The following PCA3 variants were observed in gnomAD, a reference collection of about 807,000 sequenced individuals.
PCA3 encodes prostate cancer associated 3, also known as Differential Display code 3.
At chr9:76,768,243 A>ACT in intron 2 of PCA3, among the ~76,000 whole-genome samples, 1 of 152,052 alleles carries the variant, frequency 6.6e-6, no homozygotes, top group South Asian at 2.1e-4. Flanking sequence ...CCCAGGCTGG[A>ACT]GTGCAGTGGT....
rs28575308 is a variant in PCA3, at chr9:76,775,814, C to T, written n.853-32769C>T. 4.6e-3 allele frequency among the ~76,000 whole-genome samples: 704 copies of T among 152,366 alleles called. 3 individuals carry two copies. The highest frequency in any genetic ancestry group is 0.016 in the African/African-American group (668 of 41,586). ...ATTGCTCACCCGGCCTTCATGCCGG[C>T]TATGCAGGCCCATTTCTAACACATC... On this transcript the variant is annotated intron_variant and non_coding_transcript_variant, in intron 2 of 5. Coordinates refer to ENST00000644657, the Ensembl canonical transcript of PCA3.
intron 2 of PCA3, among the ~76,000 whole-genome samples, chr9:76,773,788 C>T (rs2053394647): frequency 6.6e-6 from 1 of 152,028 alleles, no homozygotes; most frequent in Non-Finnish European, 1.5e-5. Context: ...TGTTTTTTTC[C>T]CTGTTCTATG....
intron 2 of PCA3, among the ~76,000 whole-genome samples, chr9:76,775,535 A>T (rs1449535367): frequency 6.6e-6 from 1 of 152,070 alleles, no homozygotes; most frequent in Non-Finnish European, 1.5e-5. Context: ...TTCTCAGCTT[A>T]AGCAATCTGC....
intron 2 of PCA3, among the ~76,000 whole-genome samples, chr9:76,773,433 T>C (rs897121557): frequency 1.4e-5 from 2 of 146,680 alleles, no homozygotes; most frequent in Non-Finnish European, 3.0e-5. Context: ...TACACACTAG[T>C]ACATCTTTTT....
chr9:76,773,865 A>C lies in PCA3; in HGVS notation n.853-34718A>C, dbSNP rs2053403426. On this transcript the variant is annotated intron_variant and non_coding_transcript_variant, in intron 2 of 5. Coordinates refer to ENST00000644657, the Ensembl canonical transcript of PCA3. ...GAGACCCCATGTGTTAATTTTGGTA[A>C]AAATAACCCCACAGAAAAAAGGTGG... Among the ~76,000 whole-genome samples, 3 of 152,214 alleles carry C rather than the reference A, an allele frequency of 2.0e-5. No homozygotes were observed. The South Asian group carries it at 6.2e-4, about 32-fold the overall frequency.
chr9:76,786,003 C>T (rs1459770928), intron 2 of PCA3: 1 of 152,198 alleles, frequency 6.6e-6, no homozygotes, highest in Non-Finnish European at 1.5e-5. Context: ...CACTGCTTGA[C>T]ATATATTGTT....
At chr9:76,767,208 T>C (rs1254781966) in intron 2 of PCA3, among the ~76,000 whole-genome samples, 2 of 152,134 alleles carry the variant, frequency 1.3e-5, no homozygotes, top group African/African-American at 4.8e-5. Context: ...TCCCAGCACT[T>C]TGGGAGGCCG....
intron 2 of PCA3, among the ~76,000 whole-genome samples, chr9:76,775,803 C>T (rs2053668324): frequency 6.6e-6 from 1 of 152,220 alleles, no homozygotes; most frequent in Non-Finnish European, 1.5e-5. Flanking sequence ...CTCACCCGGC[C>T]TTCATGCCGG....
chr9:76,768,806 ATGG>A (rs1327502174), intron 2 of PCA3, among the ~76,000 whole-genome samples: 1 of 152,192 alleles, frequency 6.6e-6, no homozygotes, highest in Non-Finnish European at 1.5e-5. Context: ...GGACATTTGC[ATGG>A]TATGAGACTC....
chr9:76,779,269 G>A (rs1205566459), intron 2 of PCA3, among the ~76,000 whole-genome samples: 1 of 149,216 alleles, frequency 6.7e-6, no homozygotes, highest in African/African-American at 2.5e-5. Flanking sequence ...ATGTTCCTTA[G>A]TCACTTAAAG....
At chr9:76,776,852 T>C in intron 2 of PCA3, among the ~76,000 whole-genome samples, 1 of 148,334 alleles carries the variant, frequency 6.7e-6, no homozygotes, top group South Asian at 2.1e-4. Context: ...TGAAGATACA[T>C]GAAGCTTTCT....
At chr9:76,772,292 T>C (rs1383472655) in intron 2 of PCA3, among the ~76,000 whole-genome samples, 1 of 152,228 alleles carries the variant, frequency 6.6e-6, no homozygotes, top group East Asian at 1.9e-4. Flanking sequence ...TTCTCAGGGA[T>C]GGACTCTTCA....
chr9:76,784,143 T>C (rs2054726297), intron 2 of PCA3: 1 of 152,232 alleles, frequency 6.6e-6, no homozygotes, highest in Non-Finnish European at 1.5e-5. Flanking sequence ...CCGGCCGCCA[T>C]CTTGGGTCAT....
intron 2 of PCA3, among the ~76,000 whole-genome samples, chr9:76,783,291 C>G (rs1190133607): frequency 6.6e-6 from 1 of 152,120 alleles, no homozygotes; most frequent in Non-Finnish European, 1.5e-5. Context: ...CATGCACCAG[C>G]ACGCCCAGCT....
chr9:76,785,311 CAT>C (rs1386246424), intron 2 of PCA3: 4 of 152,178 alleles, frequency 2.6e-5, no homozygotes, highest in African/African-American at 9.7e-5. Flanking sequence ...TTCATCATCA[CAT>C]GAGACAGCAA....
chr9:76,770,636 T>G (rs908528968), intron 2 of PCA3, among the ~76,000 whole-genome samples: 1 of 152,150 alleles, frequency 6.6e-6, no homozygotes, highest in African/African-American at 2.4e-5. Context: ...CCTGCAAAAC[T>G]GTTGAAAGCA....
chr9:76,776,601 G>A (rs535890441), intron 2 of PCA3, among the ~76,000 whole-genome samples: 2 of 130,970 alleles, frequency 1.5e-5, no homozygotes, highest in African/African-American at 3.0e-5. Context: ...TGCAACATCC[G>A]CCTCCCGAGT....
intron 2 of PCA3, among the ~76,000 whole-genome samples, chr9:76,774,831 C>T (rs116029976): frequency 6.6e-6 from 1 of 152,060 alleles, no homozygotes; most frequent in Admixed American, 6.6e-5. Context: ...AGCTTTAGCA[C>T]CTTTGAGTAG....
At chr9:76,777,899 A>T (rs1199721888) in intron 2 of PCA3, among the ~76,000 whole-genome samples, 1 of 152,180 alleles carries the variant, frequency 6.6e-6, no homozygotes, top group East Asian at 1.9e-4. Context: ...CAGAGAGGGG[A>T]CAGCAGGTAC....
Sources: gnomAD v4.1 joint callset for allele counts (sites outside exome capture counted in the v4.1 genomes callset) on GRCh38, gnomAD v4.1.1 for gene constraint, MANE v1.5 for transcripts, NCBI Gene and HGNC (gene_info 2026-07-23, HGNC 2026-07-21) for gene names.